FRYL: variants seen among roughly 807,000 people sequenced by gnomAD.
FRYL encodes FRY like transcription coactivator.
A neutral mutation model predicts 351.2 loss-of-function variants in FRYL; 150 were observed. The observed-to-expected ratio is 0.43, with a 90% CI of 0.37 to 0.49. The LOEUF (loss-of-function observed/expected upper bound fraction) is 0.49, where lower values mean the gene tolerates loss of function less well. Ranked by LOEUF, FRYL falls within the 20% of genes least tolerant of loss-of-function variation. FRYL has a pLI of 0.00. For synonymous variants in FRYL, 1,153 were observed against 1,257.1 expected (o/e 0.92, Z 1.75); for missense variants, 3,036 against 3,619.3 (o/e 0.84, Z 4.13).
chr4:48,686,873 C>T (rs58095795), intron 2 of FRYL, among the ~76,000 whole-genome samples: 2,683 of 152,346 alleles, frequency 0.018, 72 homozygotes, highest in African/African-American at 0.061. Flanking sequence ...GTTTGCAACA[C>T]TTCTTCAGCA....
intron 2 of FRYL, among the ~76,000 whole-genome samples, chr4:48,696,074 C>CGGTG (rs1234873855): frequency 2.0e-5 from 3 of 151,976 alleles, no homozygotes; most frequent in African/African-American, 7.2e-5. Context: ...TTTACACTGT[C>CGGTG]GGTGGGAGGG....
chr4:48,660,466 A>C (rs988682044), intron 3 of FRYL, among the ~76,000 whole-genome samples: 1 of 152,128 alleles, frequency 6.6e-6, no homozygotes, highest in African/African-American at 2.4e-5. Context: ...AATTTACATC[A>C]AACACCTGCT....
chr4:48,632,113 TATATA>T (rs1338557764), intron 4 of FRYL, among the ~76,000 whole-genome samples: 2 of 40,860 alleles, frequency 4.9e-5, no homozygotes, highest in Non-Finnish European at 1.3e-4. Context: ...TATATATATA[TATATA>T]TATATATATA....
At chr4:48,539,068 A>G (rs1560562531) in intron 47 of FRYL, among the ~76,000 whole-genome samples, 1 of 152,212 alleles carries the variant, frequency 6.6e-6, no homozygotes, top group Non-Finnish European at 1.5e-5. Context: ...ATGATTTATA[A>G]AAATATATAA....
At chr4:48,757,141 A>C (rs1350735437) in intron 1 of FRYL, among the ~76,000 whole-genome samples, 4 of 152,218 alleles carry the variant, frequency 2.6e-5, no homozygotes, top group Non-Finnish European at 5.9e-5. Context: ...AAGGTGAAGA[A>C]AAATGTAAAA....
chr4:48,584,887 AGAATAGACCCT>A, intron 19 of FRYL, among the ~76,000 whole-genome samples: 1 of 152,362 alleles, frequency 6.6e-6, no homozygotes, highest in South Asian at 2.1e-4. Context: ...AGGAGAGAAT[AGAATAGACCCT>A]GGGATCTTCC....
At chr4:48,705,491 A>C (rs1001655515) in intron 2 of FRYL, among the ~76,000 whole-genome samples, 3 of 151,352 alleles carry the variant, frequency 2.0e-5, no homozygotes, top group Non-Finnish European at 4.4e-5. Flanking sequence ...ACAAAAAACA[A>C]AGTATATGGT....
intron 49 of FRYL, among the ~76,000 whole-genome samples, chr4:48,531,656 C>T (rs1177941327): frequency 6.6e-6 from 1 of 152,060 alleles, no homozygotes; most frequent in Non-Finnish European, 1.5e-5. Flanking sequence ...AGTAACTTGG[C>T]AGTAGTGGTA....
chr4:48,586,471 G>A, intron 19 of FRYL, 150 bp downstream of exon 19: 2 of 480,620 alleles, frequency 4.2e-6, no homozygotes, highest in East Asian at 3.7e-5. Flanking sequence ...AACAAAAAAA[G>A]ACAAAATGGA....
intron 2 of FRYL, among the ~76,000 whole-genome samples, chr4:48,689,394 A>G (rs1168113149): frequency 3.3e-5 from 5 of 152,224 alleles, no homozygotes; most frequent in African/African-American, 1.2e-4. Context: ...TGGCACAGAA[A>G]AATGGAATTC....
intron 1 of FRYL, among the ~76,000 whole-genome samples, chr4:48,736,194 A>T (rs1771382022): frequency 6.6e-6 from 1 of 152,062 alleles, no homozygotes. Flanking sequence ...ACAACATCAA[A>T]ACTGTGGGAT....
At chr4:48,505,025 T>G (rs559595729) in intron 60 of FRYL, among the ~76,000 whole-genome samples, 15 of 152,278 alleles carry the variant, frequency 9.9e-5, no homozygotes, top group East Asian at 1.9e-4. Context: ...CCCTAACTTA[T>G]CCTCACTTAC....
At chr4:48,743,719 T>C (rs1293430489) in intron 1 of FRYL, among the ~76,000 whole-genome samples, 1 of 152,228 alleles carries the variant, frequency 6.6e-6, no homozygotes, top group Admixed American at 6.5e-5. Flanking sequence ...CAGTAGACTC[T>C]GAGTAAAGCA....
chr4:48,566,270 G>C (rs1201134989), intron 28 of FRYL, among the ~76,000 whole-genome samples: 2 of 152,168 alleles, frequency 1.3e-5, no homozygotes, highest in African/African-American at 4.8e-5. Context: ...TCAGGGCTTT[G>C]AGAAACACCA....
At chr4:48,671,744 C>T (rs994395545) in intron 3 of FRYL, among the ~76,000 whole-genome samples, 3 of 149,808 alleles carry the variant, frequency 2.0e-5, no homozygotes, top group Admixed American at 1.3e-4. Flanking sequence ...TCCCAGCTAC[C>T]CAGGAGGGTG....
rs928582804 is a variant in FRYL at position 48,567,773 on chromosome 4, G to A, written c.2997-353C>T. 1.3e-5 allele frequency among the ~76,000 whole-genome samples: 2 copies of A among 152,162 alleles called. No individual in the cohort carries two copies. Among genetic ancestry groups the A allele is most frequent in the Non-Finnish European group, 2.9e-5 (2 of 68,024 alleles). On this transcript the variant is annotated intron_variant, in intron 27 of 63. Coordinates refer to ENST00000358350, the MANE Select transcript of FRYL (RefSeq NM_015030.2). This position sits in a 1 kb window ranked among gnomAD's most constrained non-coding sequence, Gnocchi z 4.2. ...GATCAGTTTAGAAAAGTAGAAAGAG[G>A]AAAGACTAGTTCTATTTATTCATAG... is the stretch of plus-strand genomic sequence containing the variant.
Position 48,581,413 on chromosome 4 carries a change from A to G in FRYL, c.2172+7T>C, listed in dbSNP as rs201194679. On this transcript the variant is annotated splice_region_variant and intron_variant, in intron 21 of 63. Coordinates refer to ENST00000358350, the MANE Select transcript of FRYL (RefSeq NM_015030.2). Reference sequence around the variant, plus strand: ...ATAGATAACTGAATGAAATACCTAAATCTTACCTTAGGTATTTCCAGAAGT... The same window carrying G: ...ATAGATAACTGAATGAAATACCTAAGTCTTACCTTAGGTATTTCCAGAAGT... 1 of 1,598,194 alleles carries G rather than the reference A, an allele frequency of 6.3e-7. No individual in the cohort carries two copies. Among genetic ancestry groups the G allele is most frequent in the Non-Finnish European group, 8.5e-7 (1 of 1,172,238 alleles).
chr4:48,603,914 C>A (rs1482861035), intron 11 of FRYL, among the ~76,000 whole-genome samples: 3 of 152,192 alleles, frequency 2.0e-5, no homozygotes, highest in Admixed American at 1.3e-4. Context: ...GGAAGTCTTA[C>A]TGTCTCATTC....
chr4:48,610,297 A>G (rs1747780748), intron 7 of FRYL, among the ~76,000 whole-genome samples: 1 of 152,096 alleles, frequency 6.6e-6, no homozygotes, highest in South Asian at 2.1e-4. Flanking sequence ...CGACATTTAA[A>G]TAGTCTCATT....
Sources: allele counts gnomAD v4.1 joint callset (sites outside exome capture counted in the v4.1 genomes callset), GRCh38; gene constraint gnomAD v4.1.1; non-coding constraint Gnocchi (gnomAD v3.1); transcripts MANE v1.5; gene names NCBI Gene and HGNC (gene_info 2026-07-23, HGNC 2026-07-21).